Variants in RARB observed in about 807,000 individuals in gnomAD.
RARB encodes the protein HBV-activated protein.
A neutral mutation model predicts 51.9 loss-of-function variants in RARB; 17 were observed. The observed-to-expected ratio is 0.33, with a 90% confidence interval of 0.22 to 0.49. The LOEUF is 0.49. RARB is among the 20% of genes least tolerant of loss of function. The pLI is 0.99. For missense variants in RARB, 369 were observed against 550.8 expected (o/e 0.67, Z 3.30); for synonymous variants, 215 against 195.4 (o/e 1.10, Z -0.84).
intron 5 of RARB, among the ~76,000 whole-genome samples, chr3:25,213,336 G>T (rs1257436454): frequency 6.6e-6 from 1 of 152,036 alleles, no homozygotes; most frequent in East Asian, 1.9e-4. Flanking sequence ...TTTTGTGTCT[G>T]ACATCCTTAG....
chr3:24,902,065 A>G (rs902568862), intron 2 of RARB, among the ~76,000 whole-genome samples: 2 of 151,948 alleles, frequency 1.3e-5, no homozygotes, highest in African/African-American at 4.8e-5. Flanking sequence ...CAGCAAAGAA[A>G]GACTTACATA....
chr3:25,050,063 T>G (rs966071393), intron 2 of RARB, among the ~76,000 whole-genome samples: 2 of 152,116 alleles, frequency 1.3e-5, no homozygotes, highest in Non-Finnish European at 2.9e-5. Flanking sequence ...AAGGCTGAGT[T>G]TTCTAGGTGG....
intron 2 of RARB, among the ~76,000 whole-genome samples, chr3:24,936,003 T>C (rs756465582): frequency 6.6e-6 from 1 of 152,198 alleles, no homozygotes; most frequent in Non-Finnish European, 1.5e-5. Context: ...TGAGGGGATC[T>C]GGATGTCTTC....
At chr3:25,286,039 A>G (rs370324383) in intron 5 of RARB, among the ~76,000 whole-genome samples, 2 of 148,850 alleles carry the variant, frequency 1.3e-5, no homozygotes, top group East Asian at 2.0e-4. Flanking sequence ...GCTGTTATCT[A>G]GCCACCCACC....
At chr3:25,512,810 G>A (rs1697961359) in intron 3 of RARB, among the ~76,000 whole-genome samples, 1 of 152,158 alleles carries the variant, frequency 6.6e-6, no homozygotes, top group African/African-American at 2.4e-5. Flanking sequence ...TGTTTTTTGG[G>A]TGGTCCAGGA....
chr3:24,964,682 A>G (rs1696215222), intron 2 of RARB, among the ~76,000 whole-genome samples: 1 of 152,192 alleles, frequency 6.6e-6, no homozygotes, highest in Admixed American at 6.5e-5. Context: ...GGGAGTAACG[A>G]ACCATTGACT....
chr3:25,447,887 C>G (rs1709018215), intron 1 of RARB, among the ~76,000 whole-genome samples: 4 of 151,782 alleles, frequency 2.6e-5, no homozygotes, highest in Admixed American at 2.6e-4. Flanking sequence ...GTCACCAAAT[C>G]AAGATGGGGA....
At chr3:25,142,073 T>C (rs1700115580) in intron 4 of RARB, among the ~76,000 whole-genome samples, 4 of 152,264 alleles carry the variant, frequency 2.6e-5, no homozygotes, top group Admixed American at 2.6e-4. Context: ...GGCTCACGCC[T>C]GTGATGCCAA....
intron 5 of RARB, among the ~76,000 whole-genome samples, chr3:25,218,568 T>G (rs1471147333): frequency 6.6e-6 from 1 of 152,162 alleles, no homozygotes; most frequent in Non-Finnish European, 1.5e-5. Flanking sequence ...TTTCTTGAAC[T>G]GGATGACCTC....
At chr3:25,325,069 G>A (rs1704674678) in intron 5 of RARB, among the ~76,000 whole-genome samples, 2 of 152,182 alleles carry the variant, frequency 1.3e-5, no homozygotes, top group South Asian at 4.1e-4. Context: ...CTAGACTAAG[G>A]ATACTTAGTT....
At chr3:25,007,039 T>C (rs948417033) in intron 2 of RARB, among the ~76,000 whole-genome samples, 1 of 152,192 alleles carries the variant, frequency 6.6e-6, no homozygotes, top group South Asian at 2.1e-4. Flanking sequence ...TTGCAGACAG[T>C]GATTGCAAAG....
chr3:25,177,051 G>C (rs1359582101), intron 5 of RARB, among the ~76,000 whole-genome samples: 1 of 152,142 alleles, frequency 6.6e-6, no homozygotes, highest in Non-Finnish European at 1.5e-5. Flanking sequence ...AAAAGGACTA[G>C]GTACAGAAAG....
intron 5 of RARB, among the ~76,000 whole-genome samples, chr3:25,380,342 C>G (rs146155701): frequency 2.3e-3 from 343 of 152,252 alleles, no homozygotes; most frequent in Admixed American, 4.5e-3. Context: ...TAAAACAGAA[C>G]GTTCAGAGTC....
At chr3:25,270,330 A>G (rs1469688134) in intron 5 of RARB, among the ~76,000 whole-genome samples, 1 of 152,194 alleles carries the variant, frequency 6.6e-6, no homozygotes, top group Non-Finnish European at 1.5e-5. Flanking sequence ...GCGACATACT[A>G]CAATATGGTT....
chr3:24,916,455 G>C (rs1237587813), intron 2 of RARB, among the ~76,000 whole-genome samples: 1 of 152,050 alleles, frequency 6.6e-6, no homozygotes, highest in East Asian at 1.9e-4. Flanking sequence ...AGAAGGTCCT[G>C]GTCTCCTCTG....
chr3:25,461,353 C>T lies in RARB; in HGVS notation c.306+12C>T, dbSNP rs747074187. 6 of 1,611,500 alleles carry T rather than the reference C, an allele frequency of 3.7e-6. No individual in the cohort carries two copies. Among genetic ancestry groups the T allele is most frequent in the Non-Finnish European group, 5.1e-6 (6 of 1,179,054 alleles). On this transcript the variant is annotated intron_variant, in intron 2 of 7. Coordinates refer to ENST00000330688, the MANE Select transcript of RARB (RefSeq NM_000965.5). ...GTGAGGGATGTAAGGTGAGTATTCA[C>T]ACTTCTGTGCCTGATGAACTCTCAT... is the stretch of plus-strand genomic sequence containing the variant.
At chr3:24,946,472 G>A (rs1314691135) in intron 2 of RARB, among the ~76,000 whole-genome samples, 8 of 151,754 alleles carry the variant, frequency 5.3e-5, no homozygotes, top group Admixed American at 4.6e-4. Flanking sequence ...TTTGCAAAAT[G>A]TCTTGCAAAT....
At chr3:25,427,511 T>G (rs1367079686), upstream of RARB, among the ~76,000 whole-genome samples, 2 of 152,200 alleles carry the variant, frequency 1.3e-5, no homozygotes, top group Non-Finnish European at 2.9e-5. Context: ...TACTGTTTTT[T>G]CAAGTCCAGA....
chr3:25,423,177 T>C (rs1707905092), intron 5 of RARB, among the ~76,000 whole-genome samples: 1 of 152,204 alleles, frequency 6.6e-6, no homozygotes, highest in East Asian at 1.9e-4. Context: ...TGTGCGTCCA[T>C]CAAATTTTAA....
Sources: gnomAD v4.1 joint callset for allele counts (sites outside exome capture counted in the v4.1 genomes callset) on GRCh38, gnomAD v4.1.1 for gene constraint, MANE v1.5 for transcripts, NCBI Gene and HGNC (gene_info 2026-07-23, HGNC 2026-07-21) for gene names.